The following CCDC141 variants were observed in gnomAD, a reference collection of about 807,000 sequenced individuals.
CCDC141 encodes coiled-coil domain-containing protein 141.
In CCDC141, 168 loss-of-function variants were observed where a neutral mutation model predicts 181.0. The observed-to-expected ratio is 0.93, with a 90% CI of 0.82 to 1.05. CCDC141 has a LOEUF of 1.05. CCDC141 is among the 50% of genes least tolerant of loss of function. CCDC141 has a pLI of 0.00. For synonymous variants in CCDC141, 666 were observed against 642.3 expected, an observed-to-expected ratio of 1.04 and a Z score of -0.56; for missense variants, 1,902 against 1,788.5, an observed-to-expected ratio of 1.06 and a Z score of -1.14.
At chr2:178,871,653 C>T in intron 13 of CCDC141, 101 bp from the exon 14 acceptor site, 1 of 1,365,136 alleles carries the variant, frequency 7.3e-7, no homozygotes, top group Non-Finnish European at 1.0e-6. Flanking sequence ...ATTTTTCAAA[C>T]CCCATGAAAA....
At chr2:178,849,117 G>A (rs1685060483) in intron 21 of CCDC141, among the ~76,000 whole-genome samples, 1 of 152,118 alleles carries the variant, frequency 6.6e-6, no homozygotes, top group Non-Finnish European at 1.5e-5. Flanking sequence ...AATAGAAGAG[G>A]CACATAAATT....
In CCDC141 at chr2:179,009,498, T is replaced by C. The variant is rs76669467; in HGVS notation, c.226-30823A>G. ...CTTCCCCTTTTCCTATGGATGTGGC[T>C]TCCTGTGAGCTGAACTGCAGTGATT... On this transcript the variant is annotated intron_variant, in intron 2 of 23. Transcript: ENST00000443758. Among the ~76,000 whole-genome samples, 1,235 of 152,184 alleles carry C rather than the reference T, an allele frequency of 8.1e-3. 105 individuals carry two copies. In the East Asian group the frequency reaches 0.17, roughly 21 times the overall value.
chr2:178,924,278 C>A (rs1688829414), intron 6 of CCDC141, among the ~76,000 whole-genome samples: 1 of 152,186 alleles, frequency 6.6e-6, no homozygotes, highest in Non-Finnish European at 1.5e-5. Flanking sequence ...GTGTTGAGTT[C>A]ATGTATAGTT....
At chr2:178,933,891 G>C (rs975592392) in intron 6 of CCDC141, among the ~76,000 whole-genome samples, 2 of 152,198 alleles carry the variant, frequency 1.3e-5, no homozygotes, top group African/African-American at 2.4e-5. Context: ...TAAAAGAAAC[G>C]TATTACTGGG....
intron 21 of CCDC141, 120 bp from the exon 22 acceptor site, chr2:178,845,862 A>G (rs992129566): frequency 1.4e-6 from 1 of 714,042 alleles, no homozygotes; most frequent in Non-Finnish European, 2.5e-6. Flanking sequence ...ATATTCCACA[A>G]GAGACTGGTG....
chr2:179,033,415 T>C (rs960146170), intron 2 of CCDC141, among the ~76,000 whole-genome samples: 4 of 152,174 alleles, frequency 2.6e-5, no homozygotes, highest in Non-Finnish European at 4.4e-5. Flanking sequence ...CATCAGTGAA[T>C]TTTGATATCT....
intron 2 of CCDC141, among the ~76,000 whole-genome samples, chr2:179,036,903 T>C (rs1225965234): frequency 1.3e-5 from 2 of 152,186 alleles, no homozygotes; most frequent in African/African-American, 4.8e-5. Context: ...AACTGAGAAA[T>C]AGAAATCAGG....
intron 2 of CCDC141, among the ~76,000 whole-genome samples, chr2:179,017,710 AG>A (rs1294161844): frequency 8.5e-5 from 13 of 152,180 alleles, no homozygotes; most frequent in African/African-American, 2.9e-4. Flanking sequence ...TTTAAAAATC[AG>A]GGCAGTTACC....
At chr2:179,023,849 A>C (rs1414168439) in intron 2 of CCDC141, among the ~76,000 whole-genome samples, 1 of 152,238 alleles carries the variant, frequency 6.6e-6, no homozygotes, top group Non-Finnish European at 1.5e-5. Context: ...AGAGGTCTGG[A>C]GAGCTGCCCT....
At chr2:178,860,699 A>G (rs1421019915) in intron 17 of CCDC141, among the ~76,000 whole-genome samples, 1 of 151,558 alleles carries the variant, frequency 6.6e-6, no homozygotes, top group Non-Finnish European at 1.5e-5. Context: ...TCAGGACAAG[A>G]CTTTTTGGCC....
At chr2:178,842,509 C>A (rs528726864) in intron 22 of CCDC141, among the ~76,000 whole-genome samples, 1 of 152,196 alleles carries the variant, frequency 6.6e-6, no homozygotes, top group Non-Finnish European at 1.5e-5. Flanking sequence ...TAAATCATTG[C>A]CCTGTAGGCA....
chr2:178,855,137 T>G (rs570717928), intron 19 of CCDC141, among the ~76,000 whole-genome samples: 1 of 152,150 alleles, frequency 6.6e-6, no homozygotes, highest in Non-Finnish European at 1.5e-5. Context: ...CAAGAGAAAT[T>G]GACCAATAAA....
the CCDC141 span, among the ~76,000 whole-genome samples, chr2:178,821,665 T>C: frequency 6.6e-6 from 1 of 152,136 alleles, no homozygotes; most frequent in Non-Finnish European, 1.5e-5. Flanking sequence ...AAAATGCTCA[T>C]CATCACTGGC....
At chr2:179,030,747 T>C (rs928864041) in intron 2 of CCDC141, among the ~76,000 whole-genome samples, 4 of 152,102 alleles carry the variant, frequency 2.6e-5, no homozygotes, top group African/African-American at 9.6e-5. Flanking sequence ...AAATATGACA[T>C]TAGGAAAAAT....
At chr2:178,983,959 A>T (rs2154381460) in intron 2 of CCDC141, among the ~76,000 whole-genome samples, 2 of 150,310 alleles carry the variant, frequency 1.3e-5, no homozygotes, top group Middle Eastern at 6.9e-3. Flanking sequence ...CAGGAAATAC[A>T]GAGAATGCCA....
Position 178,865,931 on chromosome 2 carries a change from T to C in CCDC141, c.2575-15A>G, listed in dbSNP as rs375397607. 2.7e-6 allele frequency: 4 copies of C among 1,490,604 alleles called. No individual in the cohort carries two copies. In the East Asian group the frequency reaches 7.5e-5, roughly 28 times the overall value. 92.3% of individuals were successfully genotyped at this position (1,490,604 alleles called of 1,614,324 possible). A position where few individuals can be genotyped will look rare whatever the true frequency, so the allele number is the denominator to read the frequency against. ...TTAGAGCAGTGCTAAAAGAGACAAA[T>C]GGTGGTAACAGAGAGAAAGGACGAA... On this transcript the variant is annotated splice_polypyrimidine_tract_variant and intron_variant, in intron 16 of 23. Transcript: ENST00000443758.
rs1377412819 is a variant in CCDC141, at chr2:179,049,859, A to T, written c.83T>A (p.Ile28Asn). The change falls in exon 1 of 24, where the codon ATC becomes AAC. Residue 28 changes from isoleucine (I) to asparagine (N), a missense_variant. By Grantham distance (149) the Ile-to-Asn change is moderately radical (BLOSUM62 -3). Transcript: ENST00000443758. ...GCTTACCTTTATGACAGCTATAACG[A>T]TTTTGGAGTCCCCAGCCTGCACAGC... ...SVAVQAGDSK[I>N]VIAVIKCGKW... 1.3e-6 allele frequency: 2 copies of T among 1,550,784 alleles called. No homozygotes were observed. Among genetic ancestry groups the T allele is most frequent in the Non-Finnish European group, 1.7e-6 (2 of 1,146,942 alleles).
intron 22 of CCDC141, among the ~76,000 whole-genome samples, chr2:178,843,589 T>C (rs2154366439): frequency 6.6e-6 from 1 of 152,326 alleles, no homozygotes; most frequent in African/African-American, 2.4e-5. Context: ...AGAAGTACTT[T>C]GCTATCTCCA....
intron 4 of CCDC141, among the ~76,000 whole-genome samples, chr2:178,968,215 C>T (rs1476108159): frequency 1.3e-5 from 2 of 152,206 alleles, no homozygotes; most frequent in African/African-American, 4.8e-5. Context: ...AGGACTTGAA[C>T]TCAGCTCTGG....
Sources: allele counts gnomAD v4.1 joint callset (sites outside exome capture counted in the v4.1 genomes callset), GRCh38; gene constraint gnomAD v4.1.1; transcripts MANE v1.5; gene names NCBI Gene and HGNC (gene_info 2026-07-23, HGNC 2026-07-21).